TMEM123: variants seen among roughly 807,000 people sequenced by gnomAD.
TMEM123 encodes transmembrane protein 123, also known as porimin.
In TMEM123, 16 loss-of-function variants were observed where a neutral mutation model predicts 19.7. That is an observed-to-expected ratio of 0.81 (90% CI 0.55 to 1.23). The LOEUF (loss-of-function observed/expected upper bound fraction) is 1.23, where lower values mean the gene tolerates loss of function less well. Among genes scored for constraint, TMEM123 ranks in the 50% most tolerant of loss-of-function variants. The pLI, the probability that TMEM123 is intolerant of heterozygous loss-of-function variation, is 0.00. For missense variants in TMEM123, 313 were observed against 257.8 expected (o/e 1.21, Z -1.47); for synonymous variants, 118 against 99.4 (o/e 1.19, Z -1.12).
intron 2 of TMEM123, among the ~76,000 whole-genome samples, chr11:102,408,697 G>A (rs1455619378): frequency 6.6e-6 from 1 of 152,188 alleles, no homozygotes; most frequent in African/African-American, 2.4e-5. Flanking sequence ...TTCCCTATGG[G>A]AGGCTGAGGA....
intron 2 of TMEM123, among the ~76,000 whole-genome samples, chr11:102,422,322 A>C (rs563931499): frequency 6.6e-6 from 1 of 152,234 alleles, no homozygotes; most frequent in South Asian, 2.1e-4. Flanking sequence ...AAAGAATACA[A>C]AATTAGCCAG....
At chr11:102,423,721 A>G (rs1952103870) in intron 2 of TMEM123, among the ~76,000 whole-genome samples, 1 of 152,238 alleles carries the variant, frequency 6.6e-6, no homozygotes, top group Admixed American at 6.5e-5. Flanking sequence ...AGTAATTCAT[A>G]GTTCAGTCAA....
chr11:102,449,241 G>A (rs1287911544), intron 1 of TMEM123: 1 of 188,888 alleles, frequency 5.3e-6, no homozygotes, highest in African/African-American at 2.3e-5. Flanking sequence ...TTTCAGGAGA[G>A]GCCGATTCTA....
chr11:102,412,305 G>A (rs959818753), intron 2 of TMEM123, among the ~76,000 whole-genome samples: 2 of 152,164 alleles, frequency 1.3e-5, no homozygotes, highest in Non-Finnish European at 2.9e-5. Flanking sequence ...GCGCATGCCT[G>A]TAATCCCAGC....
intron 2 of TMEM123, among the ~76,000 whole-genome samples, chr11:102,427,986 A>G (rs886166394): frequency 1.3e-5 from 2 of 152,074 alleles, no homozygotes; most frequent in Non-Finnish European, 2.9e-5. Flanking sequence ...CTGGCAAGAC[A>G]CTCTTCCTCA....
chr11:102,415,956 C>T (rs1952041577), intron 2 of TMEM123, among the ~76,000 whole-genome samples: 1 of 151,424 alleles, frequency 6.6e-6, no homozygotes, highest in African/African-American at 2.4e-5. Context: ...GCTCTGTTGC[C>T]CAGGCTGGAG....
intron 2 of TMEM123, among the ~76,000 whole-genome samples, chr11:102,426,344 A>G (rs1462844053): frequency 5.9e-5 from 9 of 152,096 alleles, no homozygotes; most frequent in Non-Finnish European, 2.9e-5. Context: ...ACCTACATTA[A>G]CTCATTTAAT....
chr11:102,415,207 T>C (rs775156080), intron 2 of TMEM123, among the ~76,000 whole-genome samples: 1 of 152,162 alleles, frequency 6.6e-6, no homozygotes, highest in Non-Finnish European at 1.5e-5. Flanking sequence ...CAGAGACCTA[T>C]AGACTCTTAA....
At chr11:102,450,858 T>C (rs568659663) in intron 1 of TMEM123, among the ~76,000 whole-genome samples, 2 of 152,360 alleles carry the variant, frequency 1.3e-5, no homozygotes, top group South Asian at 4.1e-4. Context: ...AGTTTTAGTA[T>C]GATGGCTAAA....
At chr11:102,403,462 A>G (rs2135842752) in intron 2 of TMEM123, among the ~76,000 whole-genome samples, 1 of 152,374 alleles carries the variant, frequency 6.6e-6, no homozygotes, top group South Asian at 2.1e-4. Flanking sequence ...CAATTTAACT[A>G]ACGTTTACAA....
intron 2 of TMEM123, among the ~76,000 whole-genome samples, chr11:102,412,572 TTACAA>T (rs1257508579): frequency 1.3e-5 from 2 of 151,978 alleles, no homozygotes; most frequent in Admixed American, 6.6e-5. Flanking sequence ...AAAAGAAATT[TTACAA>T]TACAACTACT....
At chr11:102,421,083 A>G (rs777264516) in intron 2 of TMEM123, among the ~76,000 whole-genome samples, 1 of 152,190 alleles carries the variant, frequency 6.6e-6, no homozygotes, top group Non-Finnish European at 1.5e-5. Flanking sequence ...GGGGATAAAC[A>G]GACTTTAGGC....
Position 102,398,839 on chromosome 11 carries a change from G to A in TMEM123, c.*28C>T, listed in dbSNP as rs369925088. On this transcript the variant is annotated 3_prime_UTR_variant, in exon 5 of 5. Transcript: ENST00000398136. Reference sequence around the variant, plus strand: ...TTAATTGATAGGGCAGCATCAATCTGTATTCCATCCTTGGTCCATGGATTT... The same window carrying A: ...TTAATTGATAGGGCAGCATCAATCTATATTCCATCCTTGGTCCATGGATTT... 1.6e-5 allele frequency: 25 copies of A among 1,608,344 alleles called. No homozygotes were observed. Among genetic ancestry groups the A allele is most frequent in the South Asian group, 7.8e-5 (7 of 89,778 alleles).
intron 2 of TMEM123, among the ~76,000 whole-genome samples, chr11:102,407,695 T>C (rs1468569660): frequency 1.3e-5 from 2 of 152,124 alleles, no homozygotes; most frequent in African/African-American, 4.8e-5. Flanking sequence ...GTGATGTCTC[T>C]ACAAGCCAGG....
At chr11:102,441,166 C>G (rs1211882602) in intron 2 of TMEM123, among the ~76,000 whole-genome samples, 1 of 152,092 alleles carries the variant, frequency 6.6e-6, no homozygotes, top group Non-Finnish European at 1.5e-5. Flanking sequence ...ATATCCGGGA[C>G]TTGAACTCAG....
At chr11:102,398,957 ATTTG>A (rs1295051769) in intron 4 of TMEM123, 66 bp from the exon 5 acceptor site, 6 of 1,411,098 alleles carry the variant, frequency 4.3e-6, no homozygotes, top group African/African-American at 2.9e-5. Context: ...TTATGTTCCT[ATTTG>A]TTAGTAAAGT....
At chr11:102,424,621 G>A (rs117462234) in intron 2 of TMEM123, among the ~76,000 whole-genome samples, 3,548 of 152,140 alleles carry the variant, frequency 0.023, 58 homozygotes, top group Non-Finnish European at 0.039. Context: ...CCCAGGAGGC[G>A]GAGTCTGCAA....
At chr11:102,406,182 C>T (rs1287117569) in intron 2 of TMEM123, among the ~76,000 whole-genome samples, 3 of 152,204 alleles carry the variant, frequency 2.0e-5, no homozygotes, top group Non-Finnish European at 4.4e-5. Flanking sequence ...ATCTTAGCCA[C>T]TCAGTCTCCT....
chr11:102,412,930 C>G (rs997802347), intron 2 of TMEM123, among the ~76,000 whole-genome samples: 1 of 152,096 alleles, frequency 6.6e-6, no homozygotes, highest in Non-Finnish European at 1.5e-5. Context: ...AATCTTCACA[C>G]GCTAATTCCC....
Sources: gnomAD v4.1 joint callset for allele counts (sites outside exome capture counted in the v4.1 genomes callset) on GRCh38, gnomAD v4.1.1 for gene constraint, MANE v1.5 for transcripts, NCBI Gene and HGNC (gene_info 2026-07-23, HGNC 2026-07-21) for gene names.